The following USP13 variants were observed in gnomAD, a reference collection of about 807,000 sequenced individuals.
USP13 encodes the protein ubiquitin specific peptidase 13, also known as ubiquitin carboxyl-terminal hydrolase 13.
Under a neutral mutation model 107.8 loss-of-function variants are expected in USP13, and 68 were observed. The ratio of observed to expected loss-of-function variants is 0.63; its 90% confidence interval spans 0.52 to 0.77. USP13 has a LOEUF of 0.77. USP13 is among the 30% of genes least tolerant of loss of function. The pLI is 0.00. For missense variants in USP13, 945 were observed against 1,093.3 expected (o/e 0.86, Z 1.91); for synonymous variants, 377 against 389.5 (o/e 0.97, Z 0.38).
At chr3:179,739,246 C>A (rs1477527381) in intron 10 of USP13, among the ~76,000 whole-genome samples, 2 of 152,186 alleles carry the variant, frequency 1.3e-5, no homozygotes. Context: ...TCCTGCTGGT[C>A]CCCCACGAAA....
At chr3:179,680,478 A>G (rs974402854) in intron 1 of USP13, among the ~76,000 whole-genome samples, 4 of 152,178 alleles carry the variant, frequency 2.6e-5, no homozygotes, top group Non-Finnish European at 5.9e-5. Context: ...CAGCAACATG[A>G]TGCTTTAACA....
At chr3:179,757,100 T>C (rs1256349234) in intron 16 of USP13, 22 bp downstream of exon 16, 1 of 1,611,738 alleles carries the variant, frequency 6.2e-7, no homozygotes, top group Non-Finnish European at 8.5e-7. Flanking sequence ...TAAAAATGTT[T>C]CTCAATGTCC....
intron 1 of USP13, among the ~76,000 whole-genome samples, chr3:179,675,992 A>G (rs773590451): frequency 6.6e-6 from 1 of 152,176 alleles, no homozygotes; most frequent in South Asian, 2.1e-4. Context: ...CACATGTCGT[A>G]GGAGGGACCT....
chr3:179,759,730 G>A (rs933580846), intron 16 of USP13, among the ~76,000 whole-genome samples: 9 of 151,956 alleles, frequency 5.9e-5, no homozygotes, highest in Non-Finnish European at 8.8e-5. Context: ...TTGGAGTGCC[G>A]TGGCGCGATC....
intron 18 of USP13, among the ~76,000 whole-genome samples, chr3:179,765,113 G>C (rs1576987625): frequency 6.6e-6 from 1 of 152,284 alleles, no homozygotes; most frequent in Non-Finnish European, 1.5e-5. Context: ...TGGTCAATTA[G>C]TTTGAAGTAC....
At chr3:179,720,765 ATCC>A (rs1713281723) in intron 7 of USP13, among the ~76,000 whole-genome samples, 1 of 148,774 alleles carries the variant, frequency 6.7e-6, no homozygotes, top group Non-Finnish European at 1.5e-5. Context: ...TTTGTTCTTC[ATCC>A]TCCTCCTATC....
intron 6 of USP13, among the ~76,000 whole-genome samples, chr3:179,715,411 C>G (rs1207999749): frequency 6.9e-6 from 1 of 145,866 alleles, no homozygotes; most frequent in African/African-American, 2.5e-5. Flanking sequence ...CTGGCCCAGG[C>G]TGGAGTGCAA....
chr3:179,779,887 T>G (rs781286603), intron 19 of USP13, among the ~76,000 whole-genome samples: 2 of 152,064 alleles, frequency 1.3e-5, no homozygotes, highest in Non-Finnish European at 2.9e-5. Flanking sequence ...GGGCTACAAG[T>G]GGAGATTGTA....
Position 179,690,418 on chromosome 3 carries a change from T to C in USP13, c.355+117T>C, listed in dbSNP as rs1423915817. The C allele has an allele frequency of 1.3e-5, 12 of 911,056 alleles. No individual in the cohort carries two copies. The Admixed American group carries it at 2.6e-4, about 20-fold the overall frequency. The allele number at this position is 911,056 out of a possible 1,614,324, so 56.4% of individuals were successfully genotyped here. On this transcript the variant is annotated intron_variant, in intron 3 of 20. Transcript: ENST00000263966. The stretch of plus-strand genomic sequence containing the variant: ...TGTTTATTGCTGTACAATTTAAGGA[T>C]GAGAGGCACAGATTTAAGGCCCGCC...
At chr3:179,774,598 C>T (rs187114168) in intron 19 of USP13, among the ~76,000 whole-genome samples, 3 of 152,272 alleles carry the variant, frequency 2.0e-5, no homozygotes, top group Admixed American at 1.3e-4. Context: ...AGTGAAGCTG[C>T]AGACCTTTGC....
intron 6 of USP13, among the ~76,000 whole-genome samples, chr3:179,710,397 C>T (rs751285916): frequency 2.6e-5 from 4 of 152,128 alleles, no homozygotes; most frequent in Non-Finnish European, 5.9e-5. Context: ...TCAGATTTTC[C>T]GACTTTCTAT....
At chr3:179,753,152 T>C (rs1714669249) in intron 14 of USP13, among the ~76,000 whole-genome samples, 1 of 152,234 alleles carries the variant, frequency 6.6e-6, no homozygotes, top group Admixed American at 6.5e-5. Context: ...TGTTTTTAAG[T>C]ACTTAAGAAA....
chr3:179,670,499 A>ATCGG (rs1207243739), intron 1 of USP13, among the ~76,000 whole-genome samples: 5 of 152,078 alleles, frequency 3.3e-5, no homozygotes, highest in Non-Finnish European at 7.3e-5. Flanking sequence ...GGAGCCAACT[A>ATCGG]GAGTACAGTG....
intron 19 of USP13, among the ~76,000 whole-genome samples, chr3:179,781,253 C>T (rs932055108): frequency 6.6e-6 from 1 of 152,184 alleles, no homozygotes; most frequent in East Asian, 1.9e-4. Context: ...CAGTTATCTG[C>T]TCTCTTCCTT....
intron 2 of USP13, among the ~76,000 whole-genome samples, chr3:179,685,134 A>AT (rs1441472777): frequency 6.6e-6 from 1 of 150,804 alleles, no homozygotes; most frequent in Non-Finnish European, 1.5e-5. Context: ...AATTTTTGTA[A>AT]TTTTTTATAA....
intron 15 of USP13, among the ~76,000 whole-genome samples, chr3:179,755,406 T>C (rs1714755320): frequency 6.6e-6 from 1 of 152,146 alleles, no homozygotes. Context: ...GCAATTCTCC[T>C]GCCTCAGCCT....
intron 7 of USP13, 58 bp downstream of exon 7, chr3:179,720,092 C>T: frequency 7.8e-7 from 1 of 1,280,428 alleles, no homozygotes. Context: ...GGGGAGACGG[C>T]AAGGGAACTG....
chr3:179,762,392 C>A (rs1036594377), intron 17 of USP13, among the ~76,000 whole-genome samples: 3 of 152,156 alleles, frequency 2.0e-5, no homozygotes, highest in African/African-American at 2.4e-5. Context: ...ACCAGCCTGG[C>A]CAACATGGTG....
intron 10 of USP13, among the ~76,000 whole-genome samples, chr3:179,736,282 G>C (rs972988706): frequency 6.6e-6 from 1 of 152,062 alleles, no homozygotes; most frequent in African/African-American, 2.4e-5. Context: ...GTATAAGGTC[G>C]CTAGATCTGG....
Sources: allele counts gnomAD v4.1 joint callset (sites outside exome capture counted in the v4.1 genomes callset), GRCh38; gene constraint gnomAD v4.1.1; transcripts MANE v1.5; gene names NCBI Gene and HGNC (gene_info 2026-07-23, HGNC 2026-07-21).